TCERG1L: variants seen among roughly 807,000 people sequenced by gnomAD.
TCERG1L encodes the protein transcription elongation regulator 1 like.
Under a neutral mutation model 56.3 loss-of-function variants are expected in TCERG1L, and 37 were observed. The observed-to-expected ratio is 0.66, with a 90% CI of 0.51 to 0.87. The LOEUF (loss-of-function observed/expected upper bound fraction) is 0.87, where lower values mean the gene tolerates loss of function less well. Ranked by LOEUF, TCERG1L falls within the 40% of genes least tolerant of loss-of-function variation. The pLI is 0.00. For synonymous variants in TCERG1L, 324 were observed against 326.3 expected, an observed-to-expected ratio of 0.99 and a Z score of 0.08; for missense variants, 799 against 774.2, an observed-to-expected ratio of 1.03 and a Z score of -0.38.
intron 7 of TCERG1L, among the ~76,000 whole-genome samples, chr10:131,144,839 C>T (rs981890630): frequency 4.6e-5 from 7 of 152,164 alleles, no homozygotes; most frequent in East Asian, 1.9e-4. Context: ...AAGAAGGAGA[C>T]GGAGCATCGA....
chr10:131,251,774 A>T (rs958511468), intron 4 of TCERG1L, among the ~76,000 whole-genome samples: 10 of 152,194 alleles, frequency 6.6e-5, no homozygotes, highest in Admixed American at 1.3e-4. Context: ...TATTGTGGTA[A>T]AATATACATA....
chr10:131,210,328 A>C (rs1845603285), intron 4 of TCERG1L, among the ~76,000 whole-genome samples: 1 of 152,152 alleles, frequency 6.6e-6, no homozygotes, highest in Non-Finnish European at 1.5e-5. Flanking sequence ...CTGTGCCCAC[A>C]GTCCCCCCAA....
chr10:131,113,019 C>T (rs572522055), intron 9 of TCERG1L, among the ~76,000 whole-genome samples: 1 of 142,574 alleles, frequency 7.0e-6, no homozygotes, highest in South Asian at 2.6e-4. Flanking sequence ...TGTGGGTGAG[C>T]GTGGATGGGA....
At chr10:131,206,434 C>A (rs926411826) in intron 4 of TCERG1L, among the ~76,000 whole-genome samples, 2 of 152,204 alleles carry the variant, frequency 1.3e-5, no homozygotes, top group African/African-American at 4.8e-5. Context: ...CTCACCTGAG[C>A]CTTCCTGGAG....
At chr10:131,144,874 CCT>C (rs1224630677) in intron 7 of TCERG1L, among the ~76,000 whole-genome samples, 1 of 152,176 alleles carries the variant, frequency 6.6e-6, no homozygotes, top group Non-Finnish European at 1.5e-5. Context: ...AATCCAGGCC[CCT>C]GTCGTCCACC....
chr10:131,245,385 G>T lies in TCERG1L; in HGVS notation c.856+14874C>A, dbSNP rs1589759941. 2.6e-5 allele frequency among the ~76,000 whole-genome samples: 4 copies of T among 151,180 alleles called. 1 individual carries two copies. The highest frequency in any genetic ancestry group is 5.9e-5 in the Non-Finnish European group (4 of 67,792). ...TCTGGGAATAACAGCCAACATCATA[G>T]CTTGTTAATTGGTTTAAAATAATAA... On this transcript the variant is annotated intron_variant, in intron 4 of 11. Coordinates refer to ENST00000368642, the MANE Select transcript of TCERG1L (RefSeq NM_174937.4).
At chr10:131,305,789 T>C (rs1260686525) in intron 3 of TCERG1L, among the ~76,000 whole-genome samples, 1 of 151,974 alleles carries the variant, frequency 6.6e-6, no homozygotes, top group Admixed American at 6.5e-5. Context: ...TAAGGCCACT[T>C]ATTTCTGAAT....
At position 131,093,088 on chromosome 10, in the gene TCERG1L, C is replaced by A; in HGVS notation, c.*74G>T. 2 of 1,531,692 alleles carry A rather than the reference C, an allele frequency of 1.3e-6. No individual in the cohort carries two copies. Among genetic ancestry groups the A allele is most frequent in the Admixed American group, 1.9e-5 (1 of 51,854 alleles). 94.9% of individuals were successfully genotyped at this position (1,531,692 alleles called of 1,614,324 possible). ...GTCTCGGCCGCCCCACGCCCGTGTCCGTCTCCACCGTGACCCCCTCGCCCC... is the reference window on the plus strand; with the variant it reads ...GTCTCGGCCGCCCCACGCCCGTGTCAGTCTCCACCGTGACCCCCTCGCCCC... On this transcript the variant is annotated 3_prime_UTR_variant, in exon 12 of 12. Transcript: ENST00000368642.
Position 131,116,796 on chromosome 10 carries a change from T to C in TCERG1L, c.1395+3A>G. On this transcript the variant is annotated splice_donor_region_variant and intron_variant, in intron 9 of 11. Transcript: ENST00000368642. ...GTGCAGCCCCTCAGCCGCTGTGCCT[T>C]ACCCCTCTCTCCAGCAGCATGTCTC... 6.4e-7 allele frequency: 1 copy of C among 1,557,968 alleles called. No homozygotes were observed. Among genetic ancestry groups the C allele is most frequent in the Non-Finnish European group, 8.7e-7 (1 of 1,152,436 alleles).
At position 131,107,117 on chromosome 10, in the gene TCERG1L, C is replaced by T. The variant is rs562269495; in HGVS notation, c.1396-2763G>A. On this transcript the variant is annotated intron_variant, in intron 9 of 11. Coordinates refer to ENST00000368642, the MANE Select transcript of TCERG1L (RefSeq NM_174937.4). ...GAGGGTCTCCAAGCAGAATGGATCCCTTTAGCTTTGACTAGTGCACCTGCC... is the reference window on the plus strand; with the variant it reads ...GAGGGTCTCCAAGCAGAATGGATCCTTTTAGCTTTGACTAGTGCACCTGCC... Among the ~76,000 whole-genome samples, 206 of 152,106 alleles carry T rather than the reference C, an allele frequency of 1.4e-3. 1 individual carries two copies. The highest frequency in any genetic ancestry group is 4.8e-3 in the African/African-American group (200 of 41,460).
Position 131,118,718 on chromosome 10 carries a change from A to C in TCERG1L, c.1260-1784T>G, listed in dbSNP as rs1305230716. On this transcript the variant is annotated intron_variant, in intron 8 of 11. Transcript: ENST00000368642. The surrounding 1 kb of genome is among the most constrained non-coding windows in gnomAD (Gnocchi z 4.2). ...CGTGGCTATCAAATCCTGCTTTTCC[A>C]TGCCAAATTTGGAATTGAGCCTGGT... Among the ~76,000 whole-genome samples, 1 of 152,126 alleles carries C rather than the reference A, an allele frequency of 6.6e-6. No individual in the cohort carries two copies. Among genetic ancestry groups the C allele is most frequent in the Non-Finnish European group, 1.5e-5 (1 of 68,016 alleles).
Position 131,153,562 on chromosome 10 carries a change from T to G in TCERG1L, c.1035-6902A>C, listed in dbSNP as rs142243981. Among the ~76,000 whole-genome samples, 367 of 152,286 alleles carry G rather than the reference T, an allele frequency of 2.4e-3. 2 individuals are homozygous for G. The South Asian group carries it at 0.029, about 12-fold the overall frequency. ...TGGCCTCCAAGCTTTGCTATTAACT[T>G]AAGAAAGAGGCTTTACATTTGGGGA... is the stretch of plus-strand genomic sequence containing the variant. On this transcript the variant is annotated intron_variant, in intron 6 of 11. Coordinates refer to ENST00000368642, the MANE Select transcript of TCERG1L (RefSeq NM_174937.4).
intron 4 of TCERG1L, among the ~76,000 whole-genome samples, chr10:131,182,063 CTGTG>C (rs1670038117): frequency 6.6e-6 from 1 of 152,058 alleles, no homozygotes; most frequent in Admixed American, 6.5e-5. Flanking sequence ...TACACAGCAT[CTGTG>C]TGTGTGCATG....
At chr10:131,133,085 G>C (rs957339678) in intron 8 of TCERG1L, among the ~76,000 whole-genome samples, 2 of 152,184 alleles carry the variant, frequency 1.3e-5, no homozygotes, top group Non-Finnish European at 2.9e-5. Flanking sequence ...CTCAGGTCTA[G>C]TTCTACGTGT....
chr10:131,236,812 A>C (rs1845918041), intron 4 of TCERG1L, among the ~76,000 whole-genome samples: 1 of 152,144 alleles, frequency 6.6e-6, no homozygotes, highest in African/African-American at 2.4e-5. Context: ...AGTCCCTAGA[A>C]GTGGGTGAAG....
At chr10:131,309,341 C>T (rs1846853463) in intron 1 of TCERG1L, 42 bp from the exon 2 acceptor site, 1 of 1,561,888 alleles carries the variant, frequency 6.4e-7, no homozygotes. Flanking sequence ...TAGCCTGAAT[C>T]CATCCACTCG....
chr10:131,115,548 C>A (rs945835799), intron 9 of TCERG1L, among the ~76,000 whole-genome samples: 3 of 152,266 alleles, frequency 2.0e-5, no homozygotes, highest in African/African-American at 7.2e-5. Context: ...TGCCTCTCAG[C>A]ACGTGTGTTA....
intron 9 of TCERG1L, among the ~76,000 whole-genome samples, chr10:131,110,545 G>A (rs1297724492): frequency 6.6e-6 from 1 of 152,184 alleles, no homozygotes. Flanking sequence ...CCCAAAGCAC[G>A]GCCCGAGCCC....
At chr10:131,207,615 T>C (rs981598980) in intron 4 of TCERG1L, among the ~76,000 whole-genome samples, 6 of 152,174 alleles carry the variant, frequency 3.9e-5, no homozygotes, top group Non-Finnish European at 8.8e-5. Context: ...AACCTGAATA[T>C]GGAGAAAGCT....
Sources: allele counts gnomAD v4.1 joint callset (sites outside exome capture counted in the v4.1 genomes callset), GRCh38; gene constraint gnomAD v4.1.1; non-coding constraint Gnocchi (gnomAD v3.1); transcripts MANE v1.5; gene names NCBI Gene and HGNC (gene_info 2026-07-23, HGNC 2026-07-21).